The following MBOAT1 variants were observed in gnomAD, a reference collection of about 807,000 sequenced individuals.
The protein encoded by MBOAT1 is membrane-bound glycerophospholipid O-acyltransferase 1.
MBOAT1 carries 67 observed loss-of-function variants against 64.4 expected under a neutral mutation model. The ratio of observed to expected loss-of-function variants is 1.04; its 90% CI spans 0.85 to 1.27. The LOEUF is 1.27. Among genes scored for constraint, MBOAT1 ranks in the 50% most tolerant of loss-of-function variants. The pLI, the probability that MBOAT1 is intolerant of heterozygous loss-of-function variation, is 0.00. For synonymous variants in MBOAT1, 229 were observed against 218.9 expected (o/e 1.05, Z -0.41); for missense variants, 563 against 604.6 (o/e 0.93, Z 0.72).
intron 1 of MBOAT1, among the ~76,000 whole-genome samples, chr6:20,169,095 G>A (rs1266458835): frequency 1.3e-5 from 2 of 152,026 alleles, no homozygotes; most frequent in African/African-American, 4.8e-5. Context: ...AGTCCAAAGT[G>A]ATAAAAACGT....
chr6:20,197,284 CA>C (rs369134172), intron 1 of MBOAT1, among the ~76,000 whole-genome samples: 1 of 152,206 alleles, frequency 6.6e-6, no homozygotes, highest in African/African-American at 2.4e-5. Flanking sequence ...ATCACTAAGC[CA>C]AAGGGAAGTC....
In MBOAT1 at chr6:20,102,376, C is replaced by T; in HGVS notation, c.1398G>A (p.Leu466=). The change falls in exon 13 of 13, where the codon CTG becomes CTA. Residue 466 remains leucine, a synonymous_variant. Coordinates refer to ENST00000324607, the MANE Select transcript of MBOAT1 (RefSeq NM_001080480.3). Reference sequence around the variant, plus strand: ...GTTTCATTGGCAGAAATAGTATTATCAGGAGACTTATGATGTGCAAATAAA... The same window carrying T: ...GTTTCATTGGCAGAAATAGTATTATTAGGAGACTTATGATGTGCAAATAAA... The part of the protein sequence containing the change: ...MYFYLHIISL[L]IILFLPMKPQ... 3.7e-6 allele frequency: 6 copies of T among 1,612,402 alleles called. No homozygotes were observed. Among genetic ancestry groups the T allele is most frequent in the Non-Finnish European group, 5.1e-6 (6 of 1,178,532 alleles).
intron 3 of MBOAT1, among the ~76,000 whole-genome samples, chr6:20,149,355 C>T (rs960904913): frequency 4.5e-4 from 68 of 152,232 alleles, no homozygotes; most frequent in African/African-American, 1.6e-3. Context: ...AAATGGACCA[C>T]ATCCCATCAG....
chr6:20,160,514 G>C (rs1035328452), intron 1 of MBOAT1, among the ~76,000 whole-genome samples: 3 of 152,084 alleles, frequency 2.0e-5, no homozygotes, highest in African/African-American at 7.2e-5. Flanking sequence ...CCACAGATTG[G>C]GAGAAAATAT....
intron 4 of MBOAT1, among the ~76,000 whole-genome samples, chr6:20,134,450 T>G (rs956199420): frequency 6.6e-6 from 1 of 152,102 alleles, no homozygotes; most frequent in Non-Finnish European, 1.5e-5. Context: ...AACAATATAT[T>G]GCTTCCATTT....
chr6:20,111,859 CAT>C (rs1322920189), intron 11 of MBOAT1, among the ~76,000 whole-genome samples: 29 of 108,552 alleles, frequency 2.7e-4, no homozygotes, highest in Non-Finnish European at 4.5e-4. Context: ...TATATATATA[CAT>C]ATATATACAT....
At chr6:20,186,977 T>A (rs1221989978) in intron 1 of MBOAT1, among the ~76,000 whole-genome samples, 2 of 152,226 alleles carry the variant, frequency 1.3e-5, no homozygotes, top group Non-Finnish European at 2.9e-5. Context: ...GGTGGAAATG[T>A]TTATTGCAAA....
At chr6:20,192,546 T>A (rs967010446) in intron 1 of MBOAT1, among the ~76,000 whole-genome samples, 2 of 152,198 alleles carry the variant, frequency 1.3e-5, no homozygotes, top group African/African-American at 4.8e-5. Flanking sequence ...AATAAAGTCC[T>A]ACAAGACAGA....
At chr6:20,175,592 A>G (rs1762319524) in intron 1 of MBOAT1, among the ~76,000 whole-genome samples, 1 of 150,750 alleles carries the variant, frequency 6.6e-6, no homozygotes, top group East Asian at 1.9e-4. Flanking sequence ...AACTACAGGC[A>G]CACGTCGCCA....
rs142397271 is a variant in MBOAT1 at position 20,177,730 on chromosome 6, T to C, written c.100-24961A>G. ...CAGAGCTTGCAGTGAGCCGAGATCG[T>C]GCCACTGTGCTCCAGCCTGGGCAAC... On this transcript the variant is annotated intron_variant, in intron 1 of 12. Coordinates refer to ENST00000324607, the MANE Select transcript of MBOAT1 (RefSeq NM_001080480.3). Among the ~76,000 whole-genome samples, 796 of 142,860 alleles carry C rather than the reference T, an allele frequency of 5.6e-3. 10 individuals are homozygous for C. The highest frequency in any genetic ancestry group is 0.033 in the Admixed American group (434 of 13,276). 93.7% of individuals were successfully genotyped at this position (142,860 alleles called of 152,430 possible).
intron 1 of MBOAT1, among the ~76,000 whole-genome samples, chr6:20,204,522 T>C (rs749803456): frequency 1.1e-4 from 16 of 150,808 alleles, no homozygotes; most frequent in Non-Finnish European, 1.8e-4. Flanking sequence ...TAGGACGCTA[T>C]GGAGAAACAG....
chr6:20,158,167 G>GA (rs70990012), intron 1 of MBOAT1, among the ~76,000 whole-genome samples: 43 of 135,572 alleles, frequency 3.2e-4, no homozygotes, highest in South Asian at 9.2e-4. Flanking sequence ...AAAAAAAAAA[G>GA]AAAAAAAAAA....
rs1561753006 is a variant in MBOAT1, at chr6:20,126,710, T to A, written c.531-10A>T. On this transcript the variant is annotated splice_polypyrimidine_tract_variant and intron_variant, in intron 6 of 12. Transcript: ENST00000324607. ...AAAAGAGGGTTTCACTCTGTGAAAA[T>A]AAAGTAAATAAATTGAAAAGTCTTC... is the stretch of plus-strand genomic sequence containing the variant. The A allele has an allele frequency of 7.6e-6, 12 of 1,580,074 alleles. No individual in the cohort carries two copies. Among genetic ancestry groups the A allele is most frequent in the Non-Finnish European group, 9.5e-6 (11 of 1,161,590 alleles).
Position 20,152,584 on chromosome 6 carries a change from C to T in MBOAT1, c.245+40G>A, listed in dbSNP as rs1047045422. 11 of 1,570,018 alleles carry T rather than the reference C, an allele frequency of 7.0e-6. No homozygotes were observed. The African/African-American group carries it at 1.4e-4, about 20-fold the overall frequency. On this transcript the variant is annotated intron_variant, in intron 2 of 12. Transcript: ENST00000324607. Reference sequence around the variant, plus strand: ...TTCCAAGGACATTGCCACAAAACATCCAAATGACCAATATTAGAATATATG... The same window carrying T: ...TTCCAAGGACATTGCCACAAAACATTCAAATGACCAATATTAGAATATATG...
At chr6:20,206,215 C>G (rs1467377798) in intron 1 of MBOAT1, among the ~76,000 whole-genome samples, 2 of 152,136 alleles carry the variant, frequency 1.3e-5, no homozygotes, top group African/African-American at 4.8e-5. Context: ...GCTCTGTCAC[C>G]CAGGCTGGAG....
intron 1 of MBOAT1, among the ~76,000 whole-genome samples, chr6:20,170,893 T>TGAATGAAC (rs1762169878): frequency 3.7e-5 from 1 of 26,828 alleles, no homozygotes; most frequent in Non-Finnish European, 9.6e-5. Context: ...CTCAATATTC[T>TGAATGAAC]GAATGAATGA....
chr6:20,168,428 G>T (rs1189812877), intron 1 of MBOAT1, among the ~76,000 whole-genome samples: 4 of 150,766 alleles, frequency 2.7e-5, no homozygotes, highest in Non-Finnish European at 5.9e-5. Context: ...TCACCCCACT[G>T]CCCTCCAGCC....
intron 12 of MBOAT1, among the ~76,000 whole-genome samples, chr6:20,107,328 C>A (rs1351257643): frequency 1.3e-5 from 2 of 152,142 alleles, no homozygotes; most frequent in African/African-American, 4.8e-5. Flanking sequence ...CTATGGGGGG[C>A]TACATGACGG....
intron 1 of MBOAT1, among the ~76,000 whole-genome samples, chr6:20,203,451 A>G (rs1362704355): frequency 6.6e-6 from 1 of 152,274 alleles, no homozygotes; most frequent in Non-Finnish European, 1.5e-5. Flanking sequence ...CTTTCAAATT[A>G]GAAATTGGTC....
Sources: gnomAD v4.1 joint callset for allele counts (sites outside exome capture counted in the v4.1 genomes callset) on GRCh38, gnomAD v4.1.1 for gene constraint, MANE v1.5 for transcripts, NCBI Gene and HGNC (gene_info 2026-07-23, HGNC 2026-07-21) for gene names.